The following CDH18 variants were observed in gnomAD, a reference collection of about 807,000 sequenced individuals.
CDH18 encodes cadherin 18, also known as cadherin-18.
CDH18 carries 31 observed loss-of-function variants against 67.9 expected under a neutral mutation model. That is an observed-to-expected ratio of 0.46 (90% confidence interval 0.34 to 0.62). The LOEUF is 0.62. CDH18 is among the 20% of genes least tolerant of loss of function. CDH18 has a pLI of 0.01. For synonymous variants in CDH18, 362 were observed against 347.2 expected (o/e 1.04, Z -0.48); for missense variants, 890 against 975.5 (o/e 0.91, Z 1.17).
At chr5:20,079,150 A>G (rs1011415584) in intron 2 of CDH18, among the ~76,000 whole-genome samples, 1 of 152,104 alleles carries the variant, frequency 6.6e-6, no homozygotes, top group Non-Finnish European at 1.5e-5. Flanking sequence ...GCAATAGAAC[A>G]CCAGAACTTA....
intron 6 of CDH18, among the ~76,000 whole-genome samples, chr5:19,610,251 G>C (rs1328005986): frequency 6.6e-6 from 1 of 152,046 alleles, no homozygotes; most frequent in East Asian, 1.9e-4. Context: ...AGTTAACTCA[G>C]AGAGTATACA....
At chr5:19,894,977 G>A (rs1307792958) in intron 2 of CDH18, among the ~76,000 whole-genome samples, 1 of 152,114 alleles carries the variant, frequency 6.6e-6, no homozygotes, top group Non-Finnish European at 1.5e-5. Context: ...CTGTGTCTTT[G>A]TTCTCATTGC....
At chr5:19,520,630 T>C in intron 10 of CDH18, 27 bp downstream of exon 10, 2 of 1,592,286 alleles carry the variant, frequency 1.3e-6, no homozygotes, top group Non-Finnish European at 1.7e-6. Context: ...TCCATTCAAA[T>C]GAGGAGGAAG....
chr5:20,053,390 C>T (rs1405020829), intron 2 of CDH18, among the ~76,000 whole-genome samples: 1 of 151,800 alleles, frequency 6.6e-6, no homozygotes, highest in South Asian at 2.1e-4. Context: ...CTTAGTGAGT[C>T]GATCCAGTCT....
intron 2 of CDH18, among the ~76,000 whole-genome samples, chr5:20,107,167 G>C (rs1427275710): frequency 5.3e-5 from 8 of 149,834 alleles, no homozygotes; most frequent in Non-Finnish European, 8.9e-5. Flanking sequence ...TGCAAGCTCC[G>C]CCTCCTGGGT....
intron 8 of CDH18, among the ~76,000 whole-genome samples, chr5:19,556,799 A>G (rs1411826606): frequency 6.6e-6 from 1 of 152,170 alleles, no homozygotes; most frequent in Admixed American, 6.5e-5. Context: ...AATCACAAAA[A>G]GATAATCTCC....
intron 7 of CDH18, among the ~76,000 whole-genome samples, chr5:19,582,961 GT>G (rs1453313811): frequency 6.6e-6 from 1 of 151,674 alleles, no homozygotes; most frequent in Non-Finnish European, 1.5e-5. Context: ...CATATTTCAT[GT>G]TTTTATCTTA....
intron 2 of CDH18, among the ~76,000 whole-genome samples, chr5:20,242,697 T>C (rs1743083262): frequency 7.4e-6 from 1 of 135,852 alleles, no homozygotes; most frequent in Non-Finnish European, 1.6e-5. Flanking sequence ...TTTTCACAAA[T>C]AAAGATATTA....
At chr5:19,967,644 A>G (rs918653678) in intron 2 of CDH18, among the ~76,000 whole-genome samples, 1 of 152,136 alleles carries the variant, frequency 6.6e-6, no homozygotes, top group African/African-American at 2.4e-5. Flanking sequence ...TTTACATCAT[A>G]AGGAACACTG....
chr5:20,145,512 T>C (rs1309599969), intron 2 of CDH18, among the ~76,000 whole-genome samples: 4 of 152,156 alleles, frequency 2.6e-5, no homozygotes, highest in African/African-American at 7.2e-5. Context: ...AGCACTGAAG[T>C]TGGAGTTTTT....
chr5:19,481,741 T>C (rs973643120), intron 12 of CDH18, among the ~76,000 whole-genome samples: 1 of 152,202 alleles, frequency 6.6e-6, no homozygotes. Flanking sequence ...TTATTTGTCT[T>C]CAACCCCAGG....
At chr5:19,820,396 A>G (rs1351037533) in intron 3 of CDH18, among the ~76,000 whole-genome samples, 2 of 152,136 alleles carry the variant, frequency 1.3e-5, no homozygotes, top group East Asian at 3.9e-4. Flanking sequence ...TCCCACAGCC[A>G]TCTGTTTGGC....
chr5:20,340,454 T>C lies in CDH18; in HGVS notation c.-579-84949A>G, dbSNP rs948937218. ...GGAGTCCTGAGCTGCACCTGTTAAT[T>C]GCTACAGGTGTGGCAAACCAAGACA... On this transcript the variant is annotated intron_variant, in intron 1 of 14. Coordinates refer to the CDH18 transcript ENST00000507958. 9.9e-5 allele frequency among the ~76,000 whole-genome samples: 15 copies of C among 152,136 alleles called. No individual in the cohort carries two copies. The East Asian group carries it at 2.9e-3, about 29-fold the overall frequency.
At chr5:19,652,152 T>C (rs931156984) in intron 5 of CDH18, among the ~76,000 whole-genome samples, 8 of 152,028 alleles carry the variant, frequency 5.3e-5, no homozygotes, top group African/African-American at 9.7e-5. Context: ...ATAATTATTA[T>C]ATTCACATGT....
intron 8 of CDH18, among the ~76,000 whole-genome samples, chr5:19,547,663 T>C (rs773833577): frequency 1.4e-4 from 22 of 152,152 alleles, no homozygotes; most frequent in Admixed American, 2.6e-4. Context: ...AGTTTTAAAT[T>C]ATGTTTATAT....
At chr5:20,143,556 T>C (rs1006190100) in intron 2 of CDH18, among the ~76,000 whole-genome samples, 2 of 151,912 alleles carry the variant, frequency 1.3e-5, no homozygotes, top group Non-Finnish European at 2.9e-5. Flanking sequence ...TCTTTAATGA[T>C]GGGGGTGTTG....
At chr5:19,794,698 G>T (rs540251669) in intron 3 of CDH18, among the ~76,000 whole-genome samples, 11 of 152,132 alleles carry the variant, frequency 7.2e-5, no homozygotes, top group African/African-American at 2.6e-4. Context: ...TAAAAGCCAT[G>T]CATGAAATAT....
At chr5:20,402,911 A>G (rs1745894742) in intron 1 of CDH18, among the ~76,000 whole-genome samples, 1 of 152,136 alleles carries the variant, frequency 6.6e-6, no homozygotes. Flanking sequence ...TCATCTTGAA[A>G]AAAAACAATA....
At chr5:20,309,062 A>G (rs1736758183) in intron 1 of CDH18, among the ~76,000 whole-genome samples, 1 of 152,228 alleles carries the variant, frequency 6.6e-6, no homozygotes, top group South Asian at 2.1e-4. Flanking sequence ...TTATAATAAG[A>G]AAACTAAACA....
Sources: gnomAD v4.1 joint callset for allele counts (sites outside exome capture counted in the v4.1 genomes callset) on GRCh38, gnomAD v4.1.1 for gene constraint, MANE v1.5 for transcripts, NCBI Gene and HGNC (gene_info 2026-07-23, HGNC 2026-07-21) for gene names.